Variants in ANKS1B observed in about 807,000 individuals in gnomAD.
ANKS1B encodes ankyrin repeat and sterile alpha motif domain containing 1B.
Under a neutral mutation model 148.3 loss-of-function variants are expected in ANKS1B, and 36 were observed. The observed-to-expected ratio is 0.24, with a 90% confidence interval of 0.19 to 0.32. The LOEUF (loss-of-function observed/expected upper bound fraction) is 0.32, where lower values mean the gene tolerates loss of function less well. Ranked by LOEUF, ANKS1B falls within the 10% of genes least tolerant of loss-of-function variation. ANKS1B has a pLI of 1.00. For synonymous variants in ANKS1B, 542 were observed against 560.8 expected (o/e 0.97, Z 0.47); for missense variants, 1,157 against 1,542.6 (o/e 0.75, Z 4.19).
chr12:99,851,531 T>C (rs2087840390), intron 1 of ANKS1B, among the ~76,000 whole-genome samples: 2 of 152,188 alleles, frequency 1.3e-5, no homozygotes, highest in South Asian at 4.1e-4. Context: ...GCTTTTAACC[T>C]TGAAAATTTA....
intron 14 of ANKS1B, among the ~76,000 whole-genome samples, chr12:99,227,930 T>TA (rs1247043270): frequency 1.3e-5 from 2 of 151,876 alleles, no homozygotes; most frequent in African/African-American, 4.8e-5. Flanking sequence ...TTAATATATT[T>TA]AAAAAACATT....
chr12:99,842,591 G>A (rs1351531574), intron 1 of ANKS1B, among the ~76,000 whole-genome samples: 1 of 152,028 alleles, frequency 6.6e-6, no homozygotes, highest in Non-Finnish European at 1.5e-5. Context: ...TTCGAAGTTG[G>A]TTTAGCCAAA....
At chr12:99,539,460 C>A (rs1409863784) in intron 9 of ANKS1B, among the ~76,000 whole-genome samples, 1 of 151,894 alleles carries the variant, frequency 6.6e-6, no homozygotes. Flanking sequence ...ATTATAACCT[C>A]TAGAATACCA....
chr12:99,812,535 AC>A (rs1260737104), intron 2 of ANKS1B, among the ~76,000 whole-genome samples: 3 of 94,666 alleles, frequency 3.2e-5, no homozygotes, highest in Admixed American at 1.1e-4. Context: ...ACACACACAC[AC>A]ACACACACAC....
At chr12:99,812,699 A>T (rs555210137) in intron 2 of ANKS1B, among the ~76,000 whole-genome samples, 8 of 148,472 alleles carry the variant, frequency 5.4e-5, no homozygotes, top group African/African-American at 1.5e-4. Context: ...ACCAACTCCC[A>T]TTTTTTTTTT....
Position 98,745,450 on chromosome 12 carries a change from G to C in ANKS1B, c.*289C>G, listed in dbSNP as rs2097860242. 2.8e-6 allele frequency: 3 copies of C among 1,064,704 alleles called. No homozygotes were observed. In the South Asian group the frequency reaches 1.2e-4, roughly 43 times the overall value. The allele number at this position is 1,064,704 out of a possible 1,614,324, so 66.0% of individuals were successfully genotyped here. ...ATGAAGCAAAGCAAGTACTGGGGCGGAGTCATCAGAAATACCTTGGGAGGT... is the reference window on the plus strand; with the variant it reads ...ATGAAGCAAAGCAAGTACTGGGGCGCAGTCATCAGAAATACCTTGGGAGGT... On this transcript the variant is annotated 3_prime_UTR_variant, in exon 27 of 27. Transcript: ENST00000683438.
At chr12:99,657,160 A>G (rs570986547) in intron 8 of ANKS1B, among the ~76,000 whole-genome samples, 2 of 152,168 alleles carry the variant, frequency 1.3e-5, no homozygotes, top group Admixed American at 6.6e-5. Context: ...AATTCACACA[A>G]CAGCCATTTG....
At chr12:99,207,191 A>G (rs113711350) in intron 14 of ANKS1B, among the ~76,000 whole-genome samples, 2,047 of 152,284 alleles carry the variant, frequency 0.013, 42 homozygotes, top group African/African-American at 0.046. Flanking sequence ...AAAGTGACAT[A>G]TTTTGGGGTG....
rs2097829942 is a variant in ANKS1B at position 98,744,069 on chromosome 12, T to C, written c.*1670A>G. 5 of 983,998 alleles carry C rather than the reference T, an allele frequency of 5.1e-6. No homozygotes were observed. The highest frequency in any genetic ancestry group is 4.8e-6 in the Non-Finnish European group (4 of 828,350). 61.0% of individuals were successfully genotyped at this position (983,998 alleles called of 1,614,324 possible). On this transcript the variant is annotated 3_prime_UTR_variant, in exon 27 of 27. Coordinates refer to ENST00000683438, the MANE Select transcript of ANKS1B (RefSeq NM_001352186.2). The stretch of plus-strand genomic sequence containing the variant: ...ATTTATAACTGGAAGCCCAAGCTTA[T>C]TTACACATATGCTTCTGTTTCAGCA...
intron 14 of ANKS1B, among the ~76,000 whole-genome samples, chr12:99,164,123 A>G (rs2076969237): frequency 1.3e-5 from 2 of 151,914 alleles, no homozygotes; most frequent in South Asian, 2.1e-4. Flanking sequence ...TTGTTTTTCT[A>G]CTGTTGAGTT....
chr12:99,280,147 C>A (rs1014664551), intron 12 of ANKS1B, among the ~76,000 whole-genome samples: 1 of 150,226 alleles, frequency 6.7e-6, no homozygotes, highest in African/African-American at 2.5e-5. Flanking sequence ...GAAACAGAAC[C>A]AATAGAGTCT....
intron 1 of ANKS1B, among the ~76,000 whole-genome samples, chr12:99,842,288 A>G (rs1172594838): frequency 6.6e-6 from 1 of 152,146 alleles, no homozygotes; most frequent in East Asian, 1.9e-4. Context: ...GTGTTACCAC[A>G]TTATAGTCAG....
chr12:99,255,088 G>A (rs1015239593), intron 12 of ANKS1B, among the ~76,000 whole-genome samples: 1 of 152,144 alleles, frequency 6.6e-6, no homozygotes, highest in African/African-American at 2.4e-5. Context: ...TTTCTTGAAA[G>A]CCTTTATATT....
intron 4 of ANKS1B, among the ~76,000 whole-genome samples, chr12:99,803,437 TC>T (rs768415044): frequency 5.3e-5 from 8 of 152,156 alleles, no homozygotes; most frequent in Non-Finnish European, 1.0e-4. Context: ...CAGTTCTACT[TC>T]CTAGAATTCT....
intron 9 of ANKS1B, among the ~76,000 whole-genome samples, chr12:99,506,391 G>A (rs1259672988): frequency 2.6e-5 from 4 of 151,952 alleles, no homozygotes; most frequent in Admixed American, 6.6e-5. Context: ...TCACACATCA[G>A]AGAGTCAATT....
At chr12:99,812,566 GAGAGAGAGAGAA>G (rs1326091660) in intron 2 of ANKS1B, among the ~76,000 whole-genome samples, 1 of 107,372 alleles carries the variant, frequency 9.3e-6, no homozygotes, top group Non-Finnish European at 2.0e-5. Context: ...CACAGAGAGA[GAGAGAGAGAGAA>G]AGAGAGCGAG....
intron 17 of ANKS1B, among the ~76,000 whole-genome samples, chr12:98,857,332 T>C (rs761437122): frequency 7.2e-5 from 11 of 152,178 alleles, no homozygotes; most frequent in Non-Finnish European, 1.5e-4. Flanking sequence ...GCTTGGAGAA[T>C]TGCAGCTATT....
chr12:98,926,264 T>A (rs2099808026), intron 17 of ANKS1B, among the ~76,000 whole-genome samples: 1 of 152,186 alleles, frequency 6.6e-6, no homozygotes, highest in Non-Finnish European at 1.5e-5. Flanking sequence ...GGAAATCTGT[T>A]CAATCATTAG....
At chr12:99,979,010 T>A (rs1483063638) in intron 1 of ANKS1B, among the ~76,000 whole-genome samples, 1 of 152,170 alleles carries the variant, frequency 6.6e-6, no homozygotes, top group African/African-American at 2.4e-5. Context: ...ATTAATTAAA[T>A]ATACATTTTA....
Sources: gnomAD v4.1 joint callset for allele counts (sites outside exome capture counted in the v4.1 genomes callset) on GRCh38, gnomAD v4.1.1 for gene constraint, MANE v1.5 for transcripts, NCBI Gene and HGNC (gene_info 2026-07-23, HGNC 2026-07-21) for gene names.